GRK3: variants seen among roughly 807,000 people sequenced by gnomAD.
The protein encoded by GRK3 is adrenergic, beta, receptor kinase 2.
GRK3 carries 54 observed loss-of-function variants against 95.7 expected under a neutral mutation model. That is an observed-to-expected ratio of 0.56 (90% CI 0.45 to 0.71). The LOEUF is 0.71. GRK3 is among the 30% of genes least tolerant of loss of function. The probability of loss-of-function intolerance (pLI) is 0.00; values close to 1 mark genes in which losing one functional copy is unlikely to be tolerated. For synonymous variants in GRK3, 281 were observed against 290.8 expected, an observed-to-expected ratio of 0.97 and a Z score of 0.34; for missense variants, 649 against 851.2, an observed-to-expected ratio of 0.76 and a Z score of 2.96.
At chr22:25,582,456 C>T (rs1215330083) in intron 1 of GRK3, among the ~76,000 whole-genome samples, 1 of 152,064 alleles carries the variant, frequency 6.6e-6, no homozygotes, top group Non-Finnish European at 1.5e-5. Context: ...GTCAGGTCTC[C>T]ACAAATTAAT....
chr22:25,568,436 A>T (rs1299684065), intron 1 of GRK3, among the ~76,000 whole-genome samples: 3 of 152,200 alleles, frequency 2.0e-5, no homozygotes, highest in Non-Finnish European at 4.4e-5. Flanking sequence ...GACATTTCAA[A>T]TGTTGGATCA....
At chr22:25,719,208 A>AC (rs1470866426) in intron 19 of GRK3, among the ~76,000 whole-genome samples, 7 of 152,090 alleles carry the variant, frequency 4.6e-5, no homozygotes, top group African/African-American at 1.7e-4. Flanking sequence ...AAAAAAAAAA[A>AC]AACTCCATGT....
intron 1 of GRK3, among the ~76,000 whole-genome samples, chr22:25,585,112 G>C (rs1932251917): frequency 6.6e-6 from 1 of 152,384 alleles, no homozygotes; most frequent in South Asian, 2.1e-4. Context: ...CCTCATCCTG[G>C]GCTTGTAGAA....
At chr22:25,692,060 C>G (rs2085168997) in intron 12 of GRK3, among the ~76,000 whole-genome samples, 1 of 152,142 alleles carries the variant, frequency 6.6e-6, no homozygotes, top group South Asian at 2.1e-4. Context: ...CCCTCCCGGG[C>G]CCAAGTGATC....
intron 1 of GRK3, among the ~76,000 whole-genome samples, chr22:25,603,254 A>G (rs1411297182): frequency 6.6e-6 from 1 of 152,146 alleles, no homozygotes; most frequent in Non-Finnish European, 1.5e-5. Flanking sequence ...TTGTATATAA[A>G]TTTGCCTCAA....
chr22:25,702,843 T>C (rs1039908667), intron 13 of GRK3: 23 of 455,958 alleles, frequency 5.0e-5, no homozygotes, highest in Non-Finnish European at 9.7e-5. Context: ...GCTTTACAGA[T>C]GAAGAATTGA....
intron 13 of GRK3, among the ~76,000 whole-genome samples, chr22:25,701,036 C>A (rs2085255043): frequency 6.6e-6 from 1 of 152,230 alleles, no homozygotes; most frequent in African/African-American, 2.4e-5. Flanking sequence ...AATTTTCCAA[C>A]TCATTTAGGG....
chr22:25,602,204 A>C (rs1183196954), intron 1 of GRK3, among the ~76,000 whole-genome samples: 1 of 152,262 alleles, frequency 6.6e-6, no homozygotes, highest in Non-Finnish European at 1.5e-5. Flanking sequence ...TCCAATAATC[A>C]TGTACAAACA....
intron 1 of GRK3, among the ~76,000 whole-genome samples, chr22:25,602,205 T>G (rs1416417150): frequency 6.6e-6 from 1 of 152,210 alleles, no homozygotes; most frequent in Non-Finnish European, 1.5e-5. Context: ...CCAATAATCA[T>G]GTACAAACAT....
At chr22:25,720,065 G>T (rs1182150234) in intron 19 of GRK3, among the ~76,000 whole-genome samples, 1 of 152,130 alleles carries the variant, frequency 6.6e-6, no homozygotes, top group Non-Finnish European at 1.5e-5. Flanking sequence ...GGGCTGGGAA[G>T]CATCAGAGTA....
At chr22:25,696,469 G>A (rs1229302747) in intron 13 of GRK3, among the ~76,000 whole-genome samples, 2 of 152,190 alleles carry the variant, frequency 1.3e-5, no homozygotes, top group African/African-American at 4.8e-5. Flanking sequence ...TTATGTTAAT[G>A]TTGCCATTAA....
chr22:25,647,048 A>C (rs140360698), intron 3 of GRK3, among the ~76,000 whole-genome samples: 3,591 of 150,960 alleles, frequency 0.024, 44 homozygotes, highest in East Asian at 0.036. Flanking sequence ...AAAAAAGAAA[A>C]AGAAAAAAAA....
At chr22:25,708,594 T>C (rs1429048225) in intron 15 of GRK3, among the ~76,000 whole-genome samples, 2 of 151,748 alleles carry the variant, frequency 1.3e-5, no homozygotes, top group African/African-American at 2.4e-5. Flanking sequence ...TGTGGAGAGA[T>C]AGAAAGTCAG....
At chr22:25,689,956 C>G (rs933564692) in intron 11 of GRK3, among the ~76,000 whole-genome samples, 1 of 152,210 alleles carries the variant, frequency 6.6e-6, no homozygotes. Flanking sequence ...GTTTCATTTT[C>G]TAATGAGTAG....
rs565709511 is a variant in GRK3 at position 25,566,721 on chromosome 22, C to T, written c.113+1568C>T. 6.6e-5 allele frequency among the ~76,000 whole-genome samples: 10 copies of T among 152,244 alleles called. No individual in the cohort carries two copies. In the East Asian group the frequency reaches 1.2e-3, roughly 18 times the overall value. On this transcript the variant is annotated intron_variant, in intron 1 of 20. Coordinates refer to ENST00000324198, the MANE Select transcript of GRK3 (RefSeq NM_005160.4). ...GGGAAACTTACTTAGAGAACAAGAA[C>T]GCCTACATCAAACCTAAATTTCACC...
intron 2 of GRK3, among the ~76,000 whole-genome samples, chr22:25,616,795 A>G (rs553714348): frequency 1.1e-4 from 17 of 152,326 alleles, no homozygotes; most frequent in African/African-American, 4.1e-4. Flanking sequence ...AGGTCTAAAG[A>G]TAAAGGAGAG....
chr22:25,709,782 A>T, intron 15 of GRK3, 116 bp from the exon 16 acceptor site: 1 of 730,086 alleles, frequency 1.4e-6, no homozygotes, highest in Non-Finnish European at 2.4e-6. Context: ...TTGCTTTCTT[A>T]AAGGAAAAAG....
intron 2 of GRK3, among the ~76,000 whole-genome samples, chr22:25,612,240 C>T (rs537287262): frequency 1.3e-5 from 2 of 152,084 alleles, no homozygotes; most frequent in South Asian, 2.1e-4. Context: ...GGTCTGTGGT[C>T]GAATTTGAGT....
At chr22:25,651,650 T>C (rs1364325680) in intron 3 of GRK3, among the ~76,000 whole-genome samples, 1 of 152,242 alleles carries the variant, frequency 6.6e-6, no homozygotes, top group Non-Finnish European at 1.5e-5. Context: ...AACAAAATTA[T>C]GTTATGTACT....
Sources: allele counts gnomAD v4.1 joint callset (sites outside exome capture counted in the v4.1 genomes callset), GRCh38; gene constraint gnomAD v4.1.1; transcripts MANE v1.5; gene names NCBI Gene and HGNC (gene_info 2026-07-23, HGNC 2026-07-21).